Variants in ANK1 observed in about 807,000 individuals in gnomAD.
ANK1 encodes ankyrin 1.
In ANK1, 51 loss-of-function variants were observed where a neutral mutation model predicts 210.4. The ratio of observed to expected loss-of-function variants is 0.24; its 90% CI spans 0.19 to 0.31. ANK1 has a LOEUF of 0.31. Among genes scored for constraint, ANK1 ranks in the 10% least tolerant of loss-of-function variants. The probability of loss-of-function intolerance (pLI) is 1.00; values close to 1 mark genes in which losing one functional copy is unlikely to be tolerated. For synonymous variants in ANK1, 967 were observed against 1,025.9 expected (o/e 0.94, Z 1.10); for missense variants, 2,051 against 2,504.4 (o/e 0.82, Z 3.86).
At chr8:41,804,455 A>C (rs1486663290) in intron 1 of ANK1, among the ~76,000 whole-genome samples, 2 of 152,226 alleles carry the variant, frequency 1.3e-5, no homozygotes, top group African/African-American at 4.8e-5. Flanking sequence ...GAATGTGTAC[A>C]TATTTAAAAC....
chr8:41,874,431 CTT>C (rs570012676), intron 1 of ANK1, among the ~76,000 whole-genome samples: 1 of 152,250 alleles, frequency 6.6e-6, no homozygotes, highest in Non-Finnish European at 1.5e-5. Context: ...GCAAAGCACT[CTT>C]TTCTTAAAGT....
intron 10 of ANK1, among the ~76,000 whole-genome samples, chr8:41,719,357 A>C (rs1828620733): frequency 6.6e-6 from 1 of 152,150 alleles, no homozygotes; most frequent in South Asian, 2.1e-4. Flanking sequence ...GAGATGCCCC[A>C]AGCCCGCATA....
chr8:41,753,962 C>T (rs1005279238), intron 2 of ANK1, among the ~76,000 whole-genome samples: 3 of 152,204 alleles, frequency 2.0e-5, no homozygotes, highest in African/African-American at 7.2e-5. Context: ...CTGCTCCTCC[C>T]TCACCTCAGC....
chr8:41,790,398 C>A (rs1394108480), intron 1 of ANK1, among the ~76,000 whole-genome samples: 1 of 152,142 alleles, frequency 6.6e-6, no homozygotes, highest in Non-Finnish European at 1.5e-5. Context: ...CCGCTCAGCT[C>A]AGCCTCCCAA....
chr8:41,694,560 C>T lies in ANK1; in HGVS notation c.3327+32G>A, dbSNP rs1444941546. ...CCCGGAGGCCTGGAGTTCAGTCCAC[C>T]CCCAGGACCTGGCGGGGAGGAGGGC... On this transcript the variant is annotated intron_variant, in intron 28 of 42. Transcript: ENST00000289734. The surrounding 1 kb of genome is among the most constrained non-coding windows in gnomAD (Gnocchi z 5.7). The T allele has an allele frequency of 6.2e-7, 1 of 1,604,620 alleles. No homozygotes were observed. Among genetic ancestry groups the T allele is most frequent in the South Asian group, 1.1e-5 (1 of 89,700 alleles).
intron 22 of ANK1, 77 bp from the exon 23 acceptor site, chr8:41,699,625 C>T (rs547404032): frequency 2.0e-5 from 27 of 1,371,156 alleles, no homozygotes; most frequent in Admixed American, 3.4e-5. Flanking sequence ...GCTCTGTTCC[C>T]GCTCCGCCTC....
chr8:41,656,194 G>A (rs1805644800), intron 42 of ANK1, among the ~76,000 whole-genome samples: 1 of 152,246 alleles, frequency 6.6e-6, no homozygotes, highest in South Asian at 2.1e-4. Flanking sequence ...GGGGCTAGGT[G>A]AGGCTAGGTG....
chr8:41,676,628 T>C (rs1814241558), intron 37 of ANK1, among the ~76,000 whole-genome samples: 1 of 152,218 alleles, frequency 6.6e-6, no homozygotes, highest in South Asian at 2.1e-4. Context: ...GCTTTTGGTG[T>C]TGTATCTGAG....
At chr8:41,784,859 A>G (rs1470865389) in intron 1 of ANK1, among the ~76,000 whole-genome samples, 1 of 152,248 alleles carries the variant, frequency 6.6e-6, no homozygotes, top group Non-Finnish European at 1.5e-5. Context: ...TCCTTCAACA[A>G]ATCAGCGTTT....
intron 1 of ANK1, among the ~76,000 whole-genome samples, chr8:41,865,626 T>C (rs1814266533): frequency 6.6e-6 from 1 of 151,654 alleles, no homozygotes; most frequent in Non-Finnish European, 1.5e-5. Flanking sequence ...TCTGATTCTC[T>C]CCCCTCCTTT....
chr8:41,660,670 A>T (rs930039661), intron 42 of ANK1, among the ~76,000 whole-genome samples: 1 of 152,138 alleles, frequency 6.6e-6, no homozygotes, highest in African/African-American at 2.4e-5. Flanking sequence ...ACACACATGC[A>T]CCACAGCCCA....
chr8:41,766,744 A>G (rs1841880562), intron 1 of ANK1, among the ~76,000 whole-genome samples: 1 of 152,304 alleles, frequency 6.6e-6, no homozygotes, highest in Non-Finnish European at 1.5e-5. Context: ...GGATCTTGCC[A>G]GGGGGCTGCG....
At chr8:41,861,895 G>A (rs1813340419) in intron 1 of ANK1, among the ~76,000 whole-genome samples, 1 of 152,184 alleles carries the variant, frequency 6.6e-6, no homozygotes, top group Non-Finnish European at 1.5e-5. Context: ...CCACTTTCAT[G>A]TACAGCAGTG....
Position 41,704,530 on chromosome 8 carries a change from A to C in ANK1, c.2098-58T>G. ...TGTCCTGAGCTGGGCATCACATGAA[A>C]TCCTTCCCAAAGCAGCTGATTCAAA... On this transcript the variant is annotated intron_variant, in intron 18 of 42. Transcript: ENST00000289734. The surrounding 1 kb of genome is among the most constrained non-coding windows in gnomAD (Gnocchi z 4.1). 5.5e-6 allele frequency: 8 copies of C among 1,450,496 alleles called. No homozygotes were observed. The highest frequency in any genetic ancestry group is 7.8e-6 in the Non-Finnish European group (8 of 1,031,642). The allele number at this position is 1,450,496 out of a possible 1,614,324, so 89.9% of individuals were successfully genotyped here.
chr8:41,704,292 G>A lies in ANK1; in HGVS notation c.2196+82C>T, dbSNP rs1823942250. 6.9e-7 allele frequency: 1 copy of A among 1,452,820 alleles called. No individual in the cohort carries two copies. The highest frequency in any genetic ancestry group is 9.7e-7 in the Non-Finnish European group (1 of 1,034,670). 90.0% of individuals were successfully genotyped at this position (1,452,820 alleles called of 1,614,324 possible). A position where few individuals can be genotyped will look rare whatever the true frequency, so the allele number is the denominator to read the frequency against. ...CAGGGTCCATGGTCAAAACCCTAGT[G>A]CTCCCAGAGCAGCTCTGGCTTTACC... On this transcript the variant is annotated intron_variant, in intron 19 of 42. Coordinates refer to ENST00000289734, the MANE Select transcript of ANK1 (RefSeq NM_000037.4). The surrounding 1 kb of genome is among the most constrained non-coding windows in gnomAD (Gnocchi z 4.1).
intron 1 of ANK1, chr8:41,828,044 TAAAAC>T (rs1805808517): frequency 1.3e-5 from 2 of 151,794 alleles, no homozygotes; most frequent in Non-Finnish European, 1.5e-5. Context: ...ACTCTCCTAT[TAAAAC>T]AGACTAAGAT....
chr8:41,702,091 G>A lies in ANK1; in HGVS notation c.2349C>T (p.Thr783=), dbSNP rs2304880. 416,333 of 1,613,882 alleles carry A rather than the reference G, an allele frequency of 0.26. 57,305 individuals carry two copies. The highest frequency in any genetic ancestry group is 0.31 in the South Asian group (28,567 of 91,078). Reference sequence around the variant, plus strand: ...CATCCGTGACGACCTTGAGCACGTCGGTGACAGAAATGTAGCCCAAGCGCT... The same window carrying A: ...CATCCGTGACGACCTTGAGCACGTCAGTGACAGAAATGTAGCCCAAGCGCT... ...IAKRLGYISV[T]DVLKVVTDET... Residue 783 remains threonine (T), a synonymous_variant, in exon 21 of 43, where the codon ACC becomes ACT. Coordinates refer to ENST00000289734, the MANE Select transcript of ANK1 (RefSeq NM_000037.4).
At chr8:41,780,287 C>T (rs564585172) in intron 1 of ANK1, among the ~76,000 whole-genome samples, 21 of 152,304 alleles carry the variant, frequency 1.4e-4, no homozygotes, top group African/African-American at 4.1e-4. Context: ...AGCCACCCAA[C>T]GAGCTAGGAT....
chr8:41,797,825 G>C (rs1401344059), upstream of ANK1, among the ~76,000 whole-genome samples: 3 of 151,946 alleles, frequency 2.0e-5, no homozygotes, highest in Non-Finnish European at 4.4e-5. The surrounding 1 kb of genome is among the most constrained non-coding windows in gnomAD (Gnocchi z 4.0). Context: ...TGGTTGCCCC[G>C]GGGTCGAGAG....
Sources: gnomAD v4.1 joint callset for allele counts (sites outside exome capture counted in the v4.1 genomes callset) on GRCh38, gnomAD v4.1.1 for gene constraint, Gnocchi (gnomAD v3.1) non-coding constraint, MANE v1.5 for transcripts, NCBI Gene and HGNC (gene_info 2026-07-23, HGNC 2026-07-21) for gene names.